The following SDR42E2 variants were observed in gnomAD, a reference collection of about 807,000 sequenced individuals.
SDR42E2 encodes putative short-chain dehydrogenase/reductase family 42E member 2.
Under a neutral mutation model 10.5 loss-of-function variants are expected in SDR42E2, and 20 were observed. The ratio of observed to expected loss-of-function variants is 1.90; its 90% CI spans 1.34 to 2.77. The LOEUF (loss-of-function observed/expected upper bound fraction) is 2.77. SDR42E2 is among the 30% of genes most tolerant of loss of function. The pLI is 0.00. For missense variants in SDR42E2, 162 were observed against 104.2 expected (o/e 1.55, Z -2.42); for synonymous variants, 72 against 39.2 (o/e 1.84, Z -3.12).
intron 4 of SDR42E2, among the ~76,000 whole-genome samples, chr16:22,168,559 C>T (rs983579815): frequency 2.0e-5 from 3 of 151,930 alleles, no homozygotes; most frequent in African/African-American, 7.2e-5. Context: ...AGATACCACA[C>T]CTGGCCAAAA....
chr16:22,185,794 T>TG (rs1031300776), intron 11 of SDR42E2, among the ~76,000 whole-genome samples: 4 of 152,042 alleles, frequency 2.6e-5, no homozygotes, highest in African/African-American at 9.7e-5. Flanking sequence ...TTAGTAGAGA[T>TG]GGGGGTCTTG....
intron 11 of SDR42E2, among the ~76,000 whole-genome samples, chr16:22,185,451 G>A (rs975863698): frequency 7.2e-5 from 11 of 152,166 alleles, no homozygotes; most frequent in Admixed American, 1.3e-4. Context: ...TTGTAAAGGC[G>A]TTCCCAGTTC....
intron 10 of SDR42E2, among the ~76,000 whole-genome samples, chr16:22,182,505 C>A (rs1234124175): frequency 6.6e-6 from 1 of 152,064 alleles, no homozygotes; most frequent in Non-Finnish European, 1.5e-5. Context: ...CGCCACCACG[C>A]CCAGTTAATT....
chr16:22,180,687 C>A (rs1222583846), intron 8 of SDR42E2, among the ~76,000 whole-genome samples: 1 of 152,026 alleles, frequency 6.6e-6, no homozygotes, highest in Non-Finnish European at 1.5e-5. Context: ...CAGAGCCCGA[C>A]CCTGTCTCTA....
intron 11 of SDR42E2, among the ~76,000 whole-genome samples, chr16:22,184,892 C>T (rs1441711398): frequency 6.6e-6 from 1 of 152,064 alleles, no homozygotes; most frequent in African/African-American, 2.4e-5. Context: ...AGTGAGAATG[C>T]GGGAGAGGCG....
rs1024452301 is a variant in SDR42E2 at position 22,178,112 on chromosome 16, C to T, written c.590-18C>T. 5.4e-5 allele frequency: 38 copies of T among 701,342 alleles called. No individual in the cohort carries two copies. The highest frequency in any genetic ancestry group is 3.6e-4 in the Admixed American group (18 of 49,832). 43.4% of individuals were successfully genotyped at this position (701,342 alleles called of 1,614,324 possible). ...CTGCTCCTCCCCTGACCCCTGACCA[C>T]GCTTCCCTGTGTGCTAGGAGGAGGC... On this transcript the variant is annotated intron_variant, in intron 7 of 12. Transcript: ENST00000602312.
chr16:22,185,566 T>C (rs902015649), intron 11 of SDR42E2, among the ~76,000 whole-genome samples: 7 of 152,122 alleles, frequency 4.6e-5, no homozygotes. Context: ...TACCGACCAA[T>C]TAAATTGGGA....
At chr16:22,166,140 A>G in intron 2 of SDR42E2, 110 bp from the exon 3 acceptor site, 1 of 473,490 alleles carries the variant, frequency 2.1e-6, no homozygotes. Flanking sequence ...CTGGATCAGT[A>G]CCTGGGGCAG....
rs773965501 is a variant in SDR42E2, at chr16:22,173,895, A to ATG, written c.589+1574_589+1575dup. ...ATATGTATATGGGCTACGTATATAT[A>ATG]TGTGTGTGTGTATATATATATATAT... On this transcript the variant is annotated intron_variant, in intron 7 of 12. Transcript: ENST00000602312. 3.4e-3 allele frequency among the ~76,000 whole-genome samples: 431 copies of ATG among 128,296 alleles called. 8 individuals carry two copies. Among genetic ancestry groups the ATG allele is most frequent in the African/African-American group, 0.012 (402 of 33,064 alleles). The allele number at this position is 128,296 out of a possible 152,430, so 84.2% of individuals were successfully genotyped here.
At chr16:22,163,068 A>C (rs2046509485) in intron 1 of SDR42E2, among the ~76,000 whole-genome samples, 1 of 152,168 alleles carries the variant, frequency 6.6e-6, no homozygotes, top group South Asian at 2.1e-4. Context: ...TAGCCTCGCA[A>C]GGCATTCTGG....
intron 6 of SDR42E2, among the ~76,000 whole-genome samples, chr16:22,171,730 T>C (rs773544455): frequency 3.9e-5 from 6 of 152,018 alleles, no homozygotes; most frequent in Non-Finnish European, 7.4e-5. Context: ...ACAGGTTTCA[T>C]TGAGTTGCCC....
chr16:22,176,515 A>C (rs2046645961), intron 7 of SDR42E2, among the ~76,000 whole-genome samples: 1 of 152,242 alleles, frequency 6.6e-6, no homozygotes, highest in Admixed American at 6.5e-5. Flanking sequence ...TATGGCAATA[A>C]AAATAAAAGA....
At chr16:22,180,395 A>C (rs1255716598) in intron 8 of SDR42E2, among the ~76,000 whole-genome samples, 1 of 151,726 alleles carries the variant, frequency 6.6e-6, no homozygotes, top group African/African-American at 2.4e-5. Flanking sequence ...GGGAGACTCT[A>C]TCTCTAAAAA....
At chr16:22,172,597 A>C (rs1482750077) in intron 7 of SDR42E2, among the ~76,000 whole-genome samples, 1 of 152,200 alleles carries the variant, frequency 6.6e-6, no homozygotes, top group Non-Finnish European at 1.5e-5. Context: ...GACTTGAGCA[A>C]ACCCAAGTCT....
intron 1 of SDR42E2, among the ~76,000 whole-genome samples, chr16:22,164,579 T>G (rs895602489): frequency 6.6e-6 from 1 of 152,026 alleles, no homozygotes; most frequent in Non-Finnish European, 1.5e-5. Context: ...AAGAACAGGA[T>G]CCTCAGTGCT....
At chr16:22,187,381 C>A (rs754406449) in intron 12 of SDR42E2, among the ~76,000 whole-genome samples, 10 of 152,100 alleles carry the variant, frequency 6.6e-5, no homozygotes, top group Non-Finnish European at 1.5e-4. Context: ...CTTTGGGAGG[C>A]TGAGACAGGA....
At chr16:22,172,843 C>T (rs1456930509) in intron 7 of SDR42E2, among the ~76,000 whole-genome samples, 3 of 152,064 alleles carry the variant, frequency 2.0e-5, no homozygotes, top group Non-Finnish European at 4.4e-5. Context: ...TGCAATGGCA[C>T]AATCATAGCT....
At chr16:22,188,588 T>C (rs2046750926) in intron 12 of SDR42E2, among the ~76,000 whole-genome samples, 1 of 152,186 alleles carries the variant, frequency 6.6e-6, no homozygotes, top group Non-Finnish European at 1.5e-5. Flanking sequence ...GCTTAACCAT[T>C]AGCTTGTGAA....
rs1012274242 is a variant in SDR42E2, at chr16:22,184,261, G to A, written c.940+17G>A. On this transcript the variant is annotated intron_variant, in intron 11 of 12. Transcript: ENST00000602312. Reference sequence around the variant, plus strand: ...ACCTGACAGGTAAGGAAAGGAGTGTGCGTAGTAAAGCCCTCCATGTGCCAG... The same window carrying A: ...ACCTGACAGGTAAGGAAAGGAGTGTACGTAGTAAAGCCCTCCATGTGCCAG... 2.5e-6 allele frequency: 1 copy of A among 401,128 alleles called. No individual in the cohort carries two copies. Among genetic ancestry groups the A allele is most frequent in the Non-Finnish European group, 4.4e-6 (1 of 226,270 alleles). The allele number at this position is 401,128 out of a possible 1,614,324, so 24.8% of individuals were successfully genotyped here.
Sources: allele counts gnomAD v4.1 joint callset (sites outside exome capture counted in the v4.1 genomes callset), GRCh38; gene constraint gnomAD v4.1.1; transcripts MANE v1.5; gene names NCBI Gene and HGNC (gene_info 2026-07-23, HGNC 2026-07-21).